The following GPC5 variants were observed in gnomAD, a reference collection of about 807,000 sequenced individuals.
The protein encoded by GPC5 is glypican 5.
GPC5 carries 47 observed loss-of-function variants against 53.9 expected under a neutral mutation model. The ratio of observed to expected loss-of-function variants is 0.87; its 90% confidence interval spans 0.69 to 1.11. The LOEUF is 1.11. Ranked by LOEUF, GPC5 falls within the 50% of genes most tolerant of loss-of-function variation. GPC5 has a pLI of 0.00. For synonymous variants in GPC5, 286 were observed against 263.3 expected (o/e 1.09, Z -0.84); for missense variants, 748 against 713.1 (o/e 1.05, Z -0.56).
chr13:91,564,545 A>G (rs2031438273), intron 2 of GPC5, among the ~76,000 whole-genome samples: 1 of 152,206 alleles, frequency 6.6e-6, no homozygotes, highest in Non-Finnish European at 1.5e-5. Flanking sequence ...AATAATTGGC[A>G]GAAATGAGTG....
intron 7 of GPC5, among the ~76,000 whole-genome samples, chr13:92,859,589 A>T (rs1328901383): frequency 6.6e-6 from 1 of 152,102 alleles, no homozygotes; most frequent in Non-Finnish European, 1.5e-5. Context: ...AGTAATAATT[A>T]TTCCAAATTA....
At chr13:91,873,711 A>G (rs1235416216) in intron 5 of GPC5, among the ~76,000 whole-genome samples, 1 of 152,134 alleles carries the variant, frequency 6.6e-6, no homozygotes, top group Non-Finnish European at 1.5e-5. Flanking sequence ...GGATTAATAC[A>G]GTCACTTTGT....
chr13:92,290,076 G>T (rs1376556934), intron 7 of GPC5, among the ~76,000 whole-genome samples: 2 of 152,054 alleles, frequency 1.3e-5, no homozygotes, highest in Non-Finnish European at 2.9e-5. Context: ...TATTCAACTG[G>T]CAATTATGGG....
chr13:91,778,294 C>A (rs1313149617), intron 5 of GPC5, among the ~76,000 whole-genome samples: 2 of 152,124 alleles, frequency 1.3e-5, no homozygotes, highest in African/African-American at 4.8e-5. Context: ...AGCTGAGTAG[C>A]CAGTTGAAGG....
intron 6 of GPC5, among the ~76,000 whole-genome samples, chr13:92,033,754 GTT>G: frequency 6.6e-6 from 1 of 152,156 alleles, no homozygotes; most frequent in Non-Finnish European, 1.5e-5. Flanking sequence ...TCCTTCCTCA[GTT>G]TGAGCATTGA....
At chr13:92,109,974 G>C (rs1356211403) in intron 6 of GPC5, among the ~76,000 whole-genome samples, 5 of 152,078 alleles carry the variant, frequency 3.3e-5, no homozygotes, top group Non-Finnish European at 7.4e-5. Context: ...TAAGGAAGCA[G>C]AGAAATGATA....
chr13:92,803,836 G>T (rs1193901549), intron 7 of GPC5, among the ~76,000 whole-genome samples: 1 of 151,868 alleles, frequency 6.6e-6, no homozygotes, highest in African/African-American at 2.4e-5. Context: ...TCTTTACAAT[G>T]ATTTGCTTAG....
intron 6 of GPC5, among the ~76,000 whole-genome samples, chr13:92,006,948 T>G (rs373427627): frequency 7.1e-6 from 1 of 141,076 alleles, no homozygotes; most frequent in Non-Finnish European, 1.6e-5. Flanking sequence ...GTGGATGTTA[T>G]GAATTCTGCT....
At chr13:91,851,445 G>A (rs1266276630) in intron 5 of GPC5, among the ~76,000 whole-genome samples, 2 of 152,094 alleles carry the variant, frequency 1.3e-5, no homozygotes, top group Non-Finnish European at 2.9e-5. Flanking sequence ...GTACACTACT[G>A]TAGACTTTAT....
intron 2 of GPC5, among the ~76,000 whole-genome samples, chr13:91,640,169 A>C (rs1228620003): frequency 1.3e-5 from 2 of 152,200 alleles, no homozygotes; most frequent in Non-Finnish European, 2.9e-5. Context: ...GATTCCGCAT[A>C]GCAAAAGAAA....
chr13:92,643,884 AG>A (rs66889068), intron 7 of GPC5, among the ~76,000 whole-genome samples: 389 of 113,124 alleles, frequency 3.4e-3, no homozygotes, highest in African/African-American at 9.3e-3. Context: ...TAATAAAAAA[AG>A]AACACACACA....
chr13:92,839,892 C>T (rs1032757745), intron 7 of GPC5, among the ~76,000 whole-genome samples: 3 of 151,706 alleles, frequency 2.0e-5, no homozygotes, highest in Non-Finnish European at 2.9e-5. Flanking sequence ...TTCCTCTTCA[C>T]GTTCGTGGGA....
chr13:92,262,147 C>T (rs913110216), intron 7 of GPC5, among the ~76,000 whole-genome samples: 2 of 152,150 alleles, frequency 1.3e-5, no homozygotes, highest in African/African-American at 4.8e-5. Context: ...TCCAGTACTT[C>T]TCTGCAGGTC....
chr13:92,503,932 A>G (rs978119870), intron 7 of GPC5, among the ~76,000 whole-genome samples: 62 of 151,950 alleles, frequency 4.1e-4, no homozygotes, highest in African/African-American at 1.4e-3. Flanking sequence ...GAACATTTAA[A>G]GAAGAGTTAT....
chr13:92,184,422 C>T (rs2042169855), intron 7 of GPC5, among the ~76,000 whole-genome samples: 1 of 152,170 alleles, frequency 6.6e-6, no homozygotes, highest in Admixed American at 6.5e-5. Context: ...AGGCAGCTCT[C>T]TGAGGGTCTC....
chr13:92,347,513 C>T (rs148309450), intron 7 of GPC5, among the ~76,000 whole-genome samples: 75 of 152,006 alleles, frequency 4.9e-4, no homozygotes, highest in African/African-American at 1.7e-3. Flanking sequence ...ATAACCATTA[C>T]GCCAGTCTTG....
chr13:92,090,650 C>T (rs1246973950), intron 6 of GPC5, among the ~76,000 whole-genome samples: 3 of 152,124 alleles, frequency 2.0e-5, no homozygotes, highest in African/African-American at 7.2e-5. Context: ...ATGGGAAACC[C>T]GTTAATATTG....
intron 7 of GPC5, among the ~76,000 whole-genome samples, chr13:92,540,099 T>A (rs1021071417): frequency 2.6e-5 from 4 of 151,978 alleles, no homozygotes; most frequent in Non-Finnish European, 5.9e-5. Context: ...TTGGGGCCTT[T>A]CCACATTTGA....
chr13:92,329,728 A>C (rs929899246), intron 7 of GPC5, among the ~76,000 whole-genome samples: 1 of 152,182 alleles, frequency 6.6e-6, no homozygotes, highest in Admixed American at 6.6e-5. Flanking sequence ...AAATAAAAAC[A>C]TGGAGTTTTT....
Sources: gnomAD v4.1 joint callset for allele counts (sites outside exome capture counted in the v4.1 genomes callset) on GRCh38, gnomAD v4.1.1 for gene constraint, MANE v1.5 for transcripts, NCBI Gene and HGNC (gene_info 2026-07-23, HGNC 2026-07-21) for gene names.